CCDC66: variants seen among roughly 807,000 people sequenced by gnomAD.
CCDC66 encodes the protein coiled-coil domain-containing protein 66.
CCDC66 carries 133 observed loss-of-function variants against 128.3 expected under a neutral mutation model. The ratio of observed to expected loss-of-function variants is 1.04; its 90% confidence interval spans 0.90 to 1.20. The LOEUF (loss-of-function observed/expected upper bound fraction) is 1.20. Ranked by LOEUF, CCDC66 falls within the 50% of genes most tolerant of loss-of-function variation. The probability of loss-of-function intolerance (pLI) is 0.00; values close to 1 mark genes in which losing one functional copy is unlikely to be tolerated. For missense variants in CCDC66, 1,126 were observed against 1,075.5 expected (o/e 1.05, Z -0.66); for synonymous variants, 387 against 357.0 (o/e 1.08, Z -0.95).
intron 7 of CCDC66, among the ~76,000 whole-genome samples, chr3:56,577,038 C>A (rs1382491831): frequency 6.6e-6 from 1 of 151,878 alleles, no homozygotes; most frequent in Admixed American, 6.6e-5. Context: ...GTCCCACTAA[C>A]AGTGTAAAAG....
At position 56,593,769 on chromosome 3, in the gene CCDC66, C is replaced by T. The variant is rs1452696846; in HGVS notation, c.1319+28C>T. ...AAGTTCATGCTTATGTATTTATTGA[C>T]TTTTCAGAAAGTCTGTGTGCTTTAG... On this transcript the variant is annotated intron_variant, in intron 9 of 17. Transcript: ENST00000394672. 3 of 1,602,308 alleles carry T rather than the reference C, an allele frequency of 1.9e-6. No homozygotes were observed. In the East Asian group the frequency reaches 6.7e-5, roughly 36 times the overall value.
Position 56,613,714 on chromosome 3 carries a change from G to A in CCDC66, c.1530G>A (p.Gln510=). Residue 510 remains glutamine, a synonymous_variant, in exon 11 of 18, where the codon CAG becomes CAA. Transcript: ENST00000394672. ...LAQEREEMQK[Q]YEEDILKQKQ... ...AGGAACGTGAAGAGATGCAGAAACAGTATGAAGAAGACATACTTAAGCAAA... is the reference window on the plus strand; with the variant it reads ...AGGAACGTGAAGAGATGCAGAAACAATATGAAGAAGACATACTTAAGCAAA... The A allele has an allele frequency of 6.2e-7, 1 of 1,613,206 alleles. No homozygotes were observed. The highest frequency in any genetic ancestry group is 8.5e-7 in the Non-Finnish European group (1 of 1,179,722).
intron 7 of CCDC66, among the ~76,000 whole-genome samples, chr3:56,586,856 C>T (rs988111340): frequency 1.3e-5 from 2 of 151,682 alleles, no homozygotes; most frequent in African/African-American, 2.4e-5. Context: ...TTGAGACCAG[C>T]GTGGGCAACA....
At chr3:56,586,838 C>A (rs2069852062) in intron 7 of CCDC66, among the ~76,000 whole-genome samples, 1 of 151,878 alleles carries the variant, frequency 6.6e-6, no homozygotes, top group South Asian at 2.1e-4. Context: ...CTGCCTTGAG[C>A]CAAGAGTTTG....
chr3:56,567,970 G>A (rs979121774), intron 6 of CCDC66, among the ~76,000 whole-genome samples: 1 of 152,090 alleles, frequency 6.6e-6, no homozygotes, highest in African/African-American at 2.4e-5. Context: ...GATTACAGGC[G>A]TGAGCCACCA....
rs1450069955 is a variant in CCDC66, at chr3:56,617,616, T to C, written c.2337+11T>C. 1 of 1,583,918 alleles carries C rather than the reference T, an allele frequency of 6.3e-7. No individual in the cohort carries two copies. The highest frequency in any genetic ancestry group is 8.5e-7 in the Non-Finnish European group (1 of 1,170,136). On this transcript the variant is annotated intron_variant, in intron 14 of 17. Transcript: ENST00000394672. ...CATCTAGTCAAAAAGGTAAAGCTCTTCCATCTTAGATGATGTGTTGACGTT... is the reference window on the plus strand; with the variant it reads ...CATCTAGTCAAAAAGGTAAAGCTCTCCCATCTTAGATGATGTGTTGACGTT...
chr3:56,597,207 G>T (rs6805469), intron 10 of CCDC66, among the ~76,000 whole-genome samples: 48,663 of 151,820 alleles, frequency 0.32, 8,357 homozygotes, highest in East Asian at 0.49. Context: ...TCAGTTGGCT[G>T]TAAATACATG....
chr3:56,566,589 C>T lies in CCDC66; in HGVS notation c.545-5C>T. On this transcript the variant is annotated splice_polypyrimidine_tract_variant and splice_region_variant and intron_variant, in intron 4 of 17. Coordinates refer to ENST00000394672, the MANE Select transcript of CCDC66 (RefSeq NM_001141947.3). The stretch of plus-strand genomic sequence containing the variant: ...TAATTTTAAAACATGTATTTTACCT[C>T]CTAGGTCAATATAGTCTATATTTAA... The T allele has an allele frequency of 1.3e-6, 2 of 1,536,318 alleles. No homozygotes were observed. The highest frequency in any genetic ancestry group is 1.8e-6 in the Non-Finnish European group (2 of 1,114,246).
chr3:56,577,236 GT>G (rs1312042825), intron 7 of CCDC66, among the ~76,000 whole-genome samples: 1 of 151,762 alleles, frequency 6.6e-6, no homozygotes, highest in Non-Finnish European at 1.5e-5. Context: ...AGAAGTGTCT[GT>G]TCATATCCTT....
intron 14 of CCDC66, 52 bp downstream of exon 14, chr3:56,617,657 C>T (rs1451655610): frequency 1.9e-6 from 3 of 1,541,728 alleles, no homozygotes; most frequent in Non-Finnish European, 2.6e-6. Context: ...ATTCAAAACA[C>T]AGTTTCTCAT....
intron 4 of CCDC66, among the ~76,000 whole-genome samples, chr3:56,565,579 C>A (rs867679743): frequency 6.6e-6 from 1 of 151,170 alleles, no homozygotes; most frequent in South Asian, 2.1e-4. Context: ...GCATGAGCCA[C>A]CACACCCAGC....
chr3:56,558,664 G>A, intron 1 of CCDC66, 182 bp from the exon 2 acceptor site: 1 of 620,420 alleles, frequency 1.6e-6, no homozygotes, highest in Admixed American at 2.7e-5. Context: ...TTTTCCCCCT[G>A]TAGTTGTGGG....
chr3:56,568,011 A>G (rs995451393), intron 6 of CCDC66, among the ~76,000 whole-genome samples: 2 of 152,164 alleles, frequency 1.3e-5, no homozygotes, highest in Non-Finnish European at 2.9e-5. Context: ...TATTATGTAC[A>G]TGAGACCTCA....
At chr3:56,581,890 C>T (rs1048824540) in intron 7 of CCDC66, among the ~76,000 whole-genome samples, 1 of 151,834 alleles carries the variant, frequency 6.6e-6, no homozygotes, top group South Asian at 2.1e-4. Flanking sequence ...GCAGTCTGTC[C>T]GTTCTCAGAT....
intron 7 of CCDC66, among the ~76,000 whole-genome samples, chr3:56,577,894 C>G (rs1559646166): frequency 6.6e-6 from 1 of 151,742 alleles, no homozygotes; most frequent in Non-Finnish European, 1.5e-5. Flanking sequence ...ATTGTGTTGG[C>G]TATTTGGGCT....
chr3:56,600,973 T>G (rs1285902051), intron 10 of CCDC66, among the ~76,000 whole-genome samples: 1 of 152,138 alleles, frequency 6.6e-6, no homozygotes, highest in African/African-American at 2.4e-5. Flanking sequence ...GCAGAAGTTC[T>G]TTAGTTTAAT....
At chr3:56,586,374 C>CA (rs1268374731) in intron 7 of CCDC66, among the ~76,000 whole-genome samples, 2 of 150,680 alleles carry the variant, frequency 1.3e-5, no homozygotes, top group African/African-American at 4.9e-5. Context: ...TTAAAAAATA[C>CA]AAAAAAATTA....
chr3:56,583,095 G>C (rs2068721183), intron 7 of CCDC66, among the ~76,000 whole-genome samples: 1 of 151,482 alleles, frequency 6.6e-6, no homozygotes, highest in South Asian at 2.1e-4. Context: ...TCAAACTCCT[G>C]GGTTCAAGCA....
intron 10 of CCDC66, among the ~76,000 whole-genome samples, chr3:56,604,950 T>C (rs1000706257): frequency 6.6e-6 from 1 of 152,066 alleles, no homozygotes; most frequent in Admixed American, 6.5e-5. Flanking sequence ...CCACATTTCT[T>C]GGAGGCTGTG....
Sources: gnomAD v4.1 joint callset for allele counts (sites outside exome capture counted in the v4.1 genomes callset) on GRCh38, gnomAD v4.1.1 for gene constraint, MANE v1.5 for transcripts, NCBI Gene and HGNC (gene_info 2026-07-23, HGNC 2026-07-21) for gene names.